NDST3: variants seen among roughly 807,000 people sequenced by gnomAD.
The protein encoded by NDST3 is bifunctional heparan sulfate N-deacetylase/N-sulfotransferase 3.
NDST3 carries 58 observed loss-of-function variants against 96.1 expected under a neutral mutation model. The observed-to-expected ratio is 0.60, with a 90% CI of 0.49 to 0.75. The LOEUF (loss-of-function observed/expected upper bound fraction) is 0.75. Ranked by LOEUF, NDST3 falls within the 30% of genes least tolerant of loss-of-function variation. The pLI is 0.00. For synonymous variants in NDST3, 333 were observed against 359.7 expected, an observed-to-expected ratio of 0.93 and a Z score of 0.84; for missense variants, 788 against 1,034.2, an observed-to-expected ratio of 0.76 and a Z score of 3.27.
intron 9 of NDST3, 52 bp from the exon 10 acceptor site, chr4:118,236,994 C>G: frequency 7.4e-7 from 1 of 1,356,988 alleles, no homozygotes; most frequent in Non-Finnish European, 9.9e-7. Flanking sequence ...CTTTGGTCAC[C>G]AGAATGAGTA....
chr4:118,036,427 G>T (rs1037361889), intron 1 of NDST3, among the ~76,000 whole-genome samples: 1 of 152,104 alleles, frequency 6.6e-6, no homozygotes, highest in Non-Finnish European at 1.5e-5. Context: ...ATTTCTAATT[G>T]CTTAACAGTT....
At chr4:118,058,722 A>G (rs1381924409) in intron 2 of NDST3, among the ~76,000 whole-genome samples, 2 of 151,624 alleles carry the variant, frequency 1.3e-5, no homozygotes, top group African/African-American at 4.8e-5. Context: ...GTTCCTTGTG[A>G]TCTACAACCT....
intron 2 of NDST3, among the ~76,000 whole-genome samples, chr4:118,090,402 C>T (rs752455719): frequency 5.3e-5 from 8 of 151,934 alleles, no homozygotes; most frequent in Non-Finnish European, 1.2e-4. Context: ...ATTGCCCCAT[C>T]CTATCAATGC....
chr4:118,160,431 A>G (rs955082551), intron 6 of NDST3, among the ~76,000 whole-genome samples: 1 of 152,084 alleles, frequency 6.6e-6, no homozygotes, highest in African/African-American at 2.4e-5. Context: ...CAAAGGTCCA[A>G]TAGCCAGTAT....
At chr4:118,114,495 C>A (rs1200834375) in intron 3 of NDST3, among the ~76,000 whole-genome samples, 1 of 152,188 alleles carries the variant, frequency 6.6e-6, no homozygotes, top group Non-Finnish European at 1.5e-5. Flanking sequence ...TCTCTCCAGA[C>A]TATAAACTGC....
At chr4:118,167,327 T>C (rs539887623) in intron 6 of NDST3, among the ~76,000 whole-genome samples, 1 of 151,566 alleles carries the variant, frequency 6.6e-6, no homozygotes, top group Admixed American at 6.6e-5. Flanking sequence ...TAAAAAAGAA[T>C]AAAATACATA....
At chr4:118,182,496 C>T (rs989091746) in intron 6 of NDST3, among the ~76,000 whole-genome samples, 11 of 152,100 alleles carry the variant, frequency 7.2e-5, no homozygotes, top group African/African-American at 2.7e-4. Context: ...GTCACAAATA[C>T]AGTAATCTGT....
chr4:118,159,476 G>A (rs986157180), intron 6 of NDST3, among the ~76,000 whole-genome samples: 23 of 152,160 alleles, frequency 1.5e-4, no homozygotes, highest in African/African-American at 5.1e-4. Flanking sequence ...GTTTTTTACA[G>A]AGTGAGAGAG....
intron 2 of NDST3, among the ~76,000 whole-genome samples, chr4:118,083,158 T>C (rs1410755679): frequency 1.3e-5 from 2 of 152,220 alleles, no homozygotes; most frequent in African/African-American, 4.8e-5. Context: ...ATGCTTTTTC[T>C]TCATGAATGT....
chr4:118,245,310 A>G (rs937498295), intron 12 of NDST3, among the ~76,000 whole-genome samples: 6 of 152,194 alleles, frequency 3.9e-5, no homozygotes, highest in African/African-American at 1.2e-4. Flanking sequence ...CAGTTAACCT[A>G]TTTGTCAAGA....
At chr4:118,253,651 A>C (rs780628511) in intron 13 of NDST3, 50 bp downstream of exon 13, 2 of 1,220,122 alleles carry the variant, frequency 1.6e-6, no homozygotes, top group Non-Finnish European at 2.3e-6. Context: ...ATGGTAACCA[A>C]TAATATCATC....
At chr4:118,088,650 C>T (rs546549916) in intron 2 of NDST3, among the ~76,000 whole-genome samples, 14 of 152,090 alleles carry the variant, frequency 9.2e-5, no homozygotes, top group African/African-American at 2.6e-4. Context: ...CAATTTAGTT[C>T]GGGGTAACTC....
chr4:118,237,005 T>C, intron 9 of NDST3, 41 bp from the exon 10 acceptor site: 1 of 1,482,292 alleles, frequency 6.7e-7, no homozygotes, highest in Non-Finnish European at 9.2e-7. Flanking sequence ...AGAATGAGTA[T>C]AAACCAGAAT....
At position 118,063,189 on chromosome 4, in the gene NDST3, TAA is replaced by T. The variant is rs11299569; in HGVS notation, c.981+8314_981+8315del. 3.9e-3 allele frequency among the ~76,000 whole-genome samples: 556 copies of T among 143,770 alleles called. 11 individuals carry two copies. The highest frequency in any genetic ancestry group is 4.5e-3 in the Admixed American group (66 of 14,560). The allele number at this position is 143,770 out of a possible 152,430, so 94.3% of individuals were successfully genotyped here. ...CCGGCAACAAGAGTGAAACTCCGTT[TAA>T]AAAAAAAAAAAAAAAGGTCTGATGC... On this transcript the variant is annotated intron_variant, in intron 2 of 13. Coordinates refer to ENST00000296499, the MANE Select transcript of NDST3 (RefSeq NM_004784.3).
At position 118,193,992 on chromosome 4, in the gene NDST3, C is replaced by A; in HGVS notation, c.1540-30499C>A. On this transcript the variant is annotated intron_variant, in intron 6 of 13. Coordinates refer to ENST00000296499, the MANE Select transcript of NDST3 (RefSeq NM_004784.3). ...GTGGTGCTCTGCTCCAGCTTCTCTT[C>A]TGAATTCATCTCCCAAGACTCCTTG... 4.6e-6 allele frequency: 5 copies of A among 1,093,594 alleles called. No homozygotes were observed. The South Asian group carries it at 6.2e-5, about 14-fold the overall frequency. 67.7% of individuals were successfully genotyped at this position (1,093,594 alleles called of 1,614,324 possible).
intron 2 of NDST3, among the ~76,000 whole-genome samples, chr4:118,082,904 T>C (rs1431515314): frequency 2.0e-5 from 3 of 152,016 alleles, no homozygotes; most frequent in Non-Finnish European, 4.4e-5. Context: ...AGGCACATCT[T>C]ACATGGCCAG....
chr4:118,253,341 T>G (rs1419975224), intron 12 of NDST3, among the ~76,000 whole-genome samples, 158 bp from the exon 13 acceptor site: 1 of 152,170 alleles, frequency 6.6e-6, no homozygotes. Context: ...TGCAAAGGAA[T>G]ATAGTAAAAA....
chr4:118,036,745 T>A (rs78333432), intron 1 of NDST3, among the ~76,000 whole-genome samples: 23 of 152,210 alleles, frequency 1.5e-4, no homozygotes, highest in African/African-American at 5.5e-4. Context: ...CATGTTACTC[T>A]AAACATTTTC....
chr4:118,159,801 C>A (rs1490779284), intron 6 of NDST3, among the ~76,000 whole-genome samples: 1 of 152,080 alleles, frequency 6.6e-6, no homozygotes, highest in African/African-American at 2.4e-5. Context: ...GTTTTAATAG[C>A]AAACATGATT....
Sources: allele counts gnomAD v4.1 joint callset (sites outside exome capture counted in the v4.1 genomes callset), GRCh38; gene constraint gnomAD v4.1.1; transcripts MANE v1.5; gene names NCBI Gene and HGNC (gene_info 2026-07-23, HGNC 2026-07-21).